STX17: variants seen among roughly 807,000 people sequenced by gnomAD.
The protein encoded by STX17 is syntaxin-17.
A neutral mutation model predicts 35.9 loss-of-function variants in STX17; 29 were observed. The ratio of observed to expected loss-of-function variants is 0.81; its 90% CI spans 0.60 to 1.10. STX17 has a LOEUF of 1.10. STX17 is among the 50% of genes least tolerant of loss of function. The pLI, the probability that STX17 is intolerant of heterozygous loss-of-function variation, is 0.00. For missense variants in STX17, 312 were observed against 352.3 expected (o/e 0.89, Z 0.92); for synonymous variants, 92 against 118.3 (o/e 0.78, Z 1.44).
At chr9:99,917,902 TG>T (rs1828807487) in intron 2 of STX17, among the ~76,000 whole-genome samples, 1 of 152,210 alleles carries the variant, frequency 6.6e-6, no homozygotes, top group Admixed American at 6.5e-5. Flanking sequence ...GTTTTGCTTT[TG>T]TTTTTAATCT....
chr9:99,938,104 C>A (rs1032661539), intron 3 of STX17: 1 of 152,252 alleles, frequency 6.6e-6, no homozygotes, highest in East Asian at 1.9e-4. Context: ...TTCTCTCTAA[C>A]TTTTTCAGGT....
chr9:99,968,815 G>A lies in STX17; in HGVS notation c.*142G>A, dbSNP rs1035950556. 6.8e-6 allele frequency: 9 copies of A among 1,328,686 alleles called. No individual in the cohort carries two copies. The highest frequency in any genetic ancestry group is 1.5e-5 in the African/African-American group (1 of 67,168). The allele number at this position is 1,328,686 out of a possible 1,614,324, so 82.3% of individuals were successfully genotyped here. On this transcript the variant is annotated 3_prime_UTR_variant, in exon 8 of 8. Transcript: ENST00000259400. Reference sequence around the variant, plus strand: ...CAAGTGGGATTGAAGTGTGATAAATGGATATATTTTGTTGTTTGCTGGGGT... The same window carrying A: ...CAAGTGGGATTGAAGTGTGATAAATAGATATATTTTGTTGTTTGCTGGGGT...
At chr9:99,945,670 T>A (rs1484194124) in intron 3 of STX17, 1 of 344,006 alleles carries the variant, frequency 2.9e-6, no homozygotes, top group Admixed American at 3.8e-5. Flanking sequence ...TTTACTTTCT[T>A]TTGTATTGAT....
At chr9:99,951,371 A>G (rs1156854230) in intron 4 of STX17, 86 bp downstream of exon 4, 12 of 1,245,040 alleles carry the variant, frequency 9.6e-6, no homozygotes, top group African/African-American at 7.5e-5. Flanking sequence ...TGAATTATCT[A>G]TAGGTCTTCA....
At chr9:99,922,052 C>T (rs1828900575) in intron 2 of STX17, among the ~76,000 whole-genome samples, 1 of 152,120 alleles carries the variant, frequency 6.6e-6, no homozygotes, top group Non-Finnish European at 1.5e-5. Flanking sequence ...CTGTTTATTG[C>T]ATAGCTCAGT....
chr9:99,957,067 C>T (rs1829722622), intron 4 of STX17, among the ~76,000 whole-genome samples: 1 of 152,204 alleles, frequency 6.6e-6, no homozygotes, highest in African/African-American at 2.4e-5. Context: ...TCCTGACCAT[C>T]TGTAGGCTTA....
chr9:99,936,835 A>T (rs1248952312), intron 3 of STX17, among the ~76,000 whole-genome samples: 1 of 152,112 alleles, frequency 6.6e-6, no homozygotes, highest in Non-Finnish European at 1.5e-5. Flanking sequence ...AAAAAATCTT[A>T]TATATGTACT....
chr9:99,945,218 T>A (rs930587615), intron 3 of STX17, among the ~76,000 whole-genome samples: 9 of 152,342 alleles, frequency 5.9e-5, no homozygotes, highest in African/African-American at 2.2e-4. Flanking sequence ...CTTTCCCTTA[T>A]GATTGTGGAT....
intron 3 of STX17, among the ~76,000 whole-genome samples, chr9:99,943,418 C>T (rs1829408523): frequency 6.6e-6 from 1 of 152,208 alleles, no homozygotes; most frequent in Non-Finnish European, 1.5e-5. Flanking sequence ...AGCGATTCTC[C>T]TGCCTCAGCC....
At position 99,968,711 on chromosome 9, in the gene STX17, T is replaced by C. The variant is rs764636624; in HGVS notation, c.*38T>C. On this transcript the variant is annotated 3_prime_UTR_variant, in exon 8 of 8. Transcript: ENST00000259400. The stretch of plus-strand genomic sequence containing the variant: ...AGTATTATTGGTGCCAACATGTCTA[T>C]CCTGAGGACCTTTGCTGCTGTTGGA... The C allele has an allele frequency of 6.3e-7, 1 of 1,591,174 alleles. No homozygotes were observed. The highest frequency in any genetic ancestry group is 1.2e-5 in the South Asian group (1 of 86,134).
chr9:99,960,618 A>G (rs891448411), intron 6 of STX17, among the ~76,000 whole-genome samples: 3 of 151,824 alleles, frequency 2.0e-5, no homozygotes, highest in Non-Finnish European at 4.4e-5. Context: ...TAGTTTTTGT[A>G]TTTTTAGTGA....
intron 3 of STX17, among the ~76,000 whole-genome samples, chr9:99,937,148 T>C (rs992449011): frequency 2.0e-5 from 3 of 152,232 alleles, no homozygotes; most frequent in Non-Finnish European, 4.4e-5. Flanking sequence ...TTCCTTTGTA[T>C]GTAATGTGTC....
chr9:99,916,998 A>G (rs759930286), intron 2 of STX17, among the ~76,000 whole-genome samples: 9 of 152,302 alleles, frequency 5.9e-5, no homozygotes, highest in Middle Eastern at 3.4e-3. Flanking sequence ...TGGGGATAGA[A>G]TGGTTATATT....
intron 6 of STX17, among the ~76,000 whole-genome samples, chr9:99,962,078 C>G (rs1182520426): frequency 6.6e-6 from 1 of 152,186 alleles, no homozygotes; most frequent in African/African-American, 2.4e-5. Context: ...ATATTTTCTT[C>G]TCTTCAGAAC....
chr9:99,924,045 A>G (rs867162301), intron 2 of STX17, among the ~76,000 whole-genome samples: 54 of 152,374 alleles, frequency 3.5e-4, no homozygotes, highest in African/African-American at 1.2e-3. Context: ...CAACCATGTC[A>G]AAATGTGATT....
intron 3 of STX17, chr9:99,945,757 C>T (rs1313677644): frequency 2.5e-6 from 1 of 397,726 alleles, no homozygotes; most frequent in Non-Finnish European, 5.0e-6. Flanking sequence ...AGGATTTCAT[C>T]AACTGTGGAA....
chr9:99,954,861 T>C (rs1829676398), intron 4 of STX17, among the ~76,000 whole-genome samples: 1 of 152,122 alleles, frequency 6.6e-6, no homozygotes, highest in South Asian at 2.1e-4. Flanking sequence ...GGATGTTTTA[T>C]ATTCTCTGGA....
intron 3 of STX17, among the ~76,000 whole-genome samples, chr9:99,936,258 T>C: frequency 6.6e-6 from 1 of 152,196 alleles, no homozygotes; most frequent in South Asian, 2.1e-4. Flanking sequence ...GAACATATAG[T>C]AGTTGTTTTT....
At chr9:99,961,656 G>T (rs1390407121) in intron 6 of STX17, among the ~76,000 whole-genome samples, 1 of 151,948 alleles carries the variant, frequency 6.6e-6, no homozygotes, top group African/African-American at 2.4e-5. Flanking sequence ...TCTAGGTTTA[G>T]TTCTTTGTTT....
Sources: allele counts gnomAD v4.1 joint callset (sites outside exome capture counted in the v4.1 genomes callset), GRCh38; gene constraint gnomAD v4.1.1; transcripts MANE v1.5; gene names NCBI Gene and HGNC (gene_info 2026-07-23, HGNC 2026-07-21).